RPH3A: variants seen among roughly 807,000 people sequenced by gnomAD.
RPH3A encodes the protein rabphilin-3A.
Under a neutral mutation model 102.2 loss-of-function variants are expected in RPH3A, and 48 were observed. The ratio of observed to expected loss-of-function variants is 0.47; its 90% CI spans 0.37 to 0.60. The LOEUF (loss-of-function observed/expected upper bound fraction) is 0.60. RPH3A is among the 20% of genes least tolerant of loss of function. The pLI, the probability that RPH3A is intolerant of heterozygous loss-of-function variation, is 0.00. For synonymous variants in RPH3A, 310 were observed against 324.3 expected (o/e 0.96, Z 0.47); for missense variants, 781 against 910.1 (o/e 0.86, Z 1.83).
intron 1 of RPH3A, among the ~76,000 whole-genome samples, chr12:112,768,052 C>G (rs909260137): frequency 6.6e-6 from 1 of 152,068 alleles, no homozygotes; most frequent in African/African-American, 2.4e-5. Flanking sequence ...GTTGTACAAT[C>G]TTGTAAATAT....
At chr12:112,823,331 G>A (rs1426739581) in intron 2 of RPH3A, among the ~76,000 whole-genome samples, 3 of 152,236 alleles carry the variant, frequency 2.0e-5, no homozygotes, top group African/African-American at 7.2e-5. Flanking sequence ...GTATGATTTT[G>A]AGCAAGTAGC....
intron 1 of RPH3A, among the ~76,000 whole-genome samples, chr12:112,639,299 A>G (rs1325660128): frequency 3.3e-5 from 5 of 152,210 alleles, no homozygotes; most frequent in Non-Finnish European, 5.9e-5. Flanking sequence ...AAGCCCCACA[A>G]AGGAATCCTA....
intron 1 of RPH3A, among the ~76,000 whole-genome samples, chr12:112,650,550 C>A (rs976771988): frequency 6.6e-6 from 1 of 152,084 alleles, no homozygotes; most frequent in Non-Finnish European, 1.5e-5. Context: ...TTCTCATCCC[C>A]TTTTATATAT....
At chr12:112,798,019 C>T (rs2041267999) in intron 2 of RPH3A, among the ~76,000 whole-genome samples, 2 of 152,322 alleles carry the variant, frequency 1.3e-5, no homozygotes, top group South Asian at 4.1e-4. Context: ...CAACTCTGCT[C>T]CCCATTTGGG....
At chr12:112,617,645 G>A (rs958722174) in intron 1 of RPH3A, 1 of 152,216 alleles carries the variant, frequency 6.6e-6, no homozygotes, top group Non-Finnish European at 1.5e-5. Context: ...ATGCAGAGGA[G>A]GAGTTTTTAT....
intron 4 of RPH3A, among the ~76,000 whole-genome samples, chr12:112,847,097 C>T (rs960848746): frequency 6.6e-6 from 1 of 152,102 alleles, no homozygotes; most frequent in African/African-American, 2.4e-5. Context: ...GAGGCGGGCA[C>T]ACAGTGGGCA....
At chr12:112,608,379 G>C (rs1592904614) in intron 1 of RPH3A, among the ~76,000 whole-genome samples, 1 of 152,260 alleles carries the variant, frequency 6.6e-6, no homozygotes, top group South Asian at 2.1e-4. Flanking sequence ...GTCTCCCAAA[G>C]TGCTGGGATT....
Position 112,825,795 on chromosome 12 carries a change from A to G in RPH3A, c.-18-2506A>G, listed in dbSNP as rs149107035. The stretch of plus-strand genomic sequence containing the variant: ...TCTAAGCAAAGACACAAACATAAAA[A>G]TAAACAACTTATATTAAATTGGGGT... On this transcript the variant is annotated intron_variant, in intron 2 of 21. Coordinates refer to ENST00000389385, the MANE Select transcript of RPH3A (RefSeq NM_001143854.2). Among the ~76,000 whole-genome samples the G allele has an allele frequency of 7.2e-4, 109 of 152,348 alleles. 1 individual carries two copies. Among genetic ancestry groups the G allele is most frequent in the African/African-American group, 2.4e-3 (101 of 41,582 alleles).
At chr12:112,678,303 A>AGAGAGAGAG (rs1555283198) in intron 1 of RPH3A, among the ~76,000 whole-genome samples, 8 of 50,184 alleles carry the variant, frequency 1.6e-4, no homozygotes, top group South Asian at 1.2e-3. Context: ...GAAAGAAAGA[A>AGAGAGAGAG]AGAGAGAGAG....
At chr12:112,666,400 T>A (rs2040083823) in intron 1 of RPH3A, among the ~76,000 whole-genome samples, 1 of 151,978 alleles carries the variant, frequency 6.6e-6, no homozygotes, top group African/African-American at 2.4e-5. Context: ...TGCCATCAAT[T>A]CTCCTTGCTT....
At chr12:112,868,918 G>A in intron 8 of RPH3A, 1 of 239,384 alleles carries the variant, frequency 4.2e-6, no homozygotes, top group Non-Finnish European at 8.0e-6. Flanking sequence ...CTGGAGCCTG[G>A]GAGAATACTC....
chr12:112,581,521 C>T (rs1304243205), intron 1 of RPH3A, among the ~76,000 whole-genome samples: 4 of 152,146 alleles, frequency 2.6e-5, no homozygotes, highest in African/African-American at 9.7e-5. Flanking sequence ...TGGAAATGAG[C>T]AGGTCCACAA....
At chr12:112,718,708 G>A (rs1401620719) in intron 1 of RPH3A, among the ~76,000 whole-genome samples, 1 of 152,156 alleles carries the variant, frequency 6.6e-6, no homozygotes, top group Non-Finnish European at 1.5e-5. Context: ...ATGCAGGGGT[G>A]GCAAAGAAAG....
At position 112,656,710 on chromosome 12, in the gene RPH3A, A is replaced by G. The variant is rs114910719; in HGVS notation, c.-140+81391A>G. On this transcript the variant is annotated intron_variant, in intron 1 of 21. Coordinates refer to the RPH3A transcript ENST00000543106. Reference sequence around the variant, plus strand: ...TTTCTGAGTTATTTCCCATAGGATAATGGCTTCCAGTTCCACCCATGTTGC... The same window carrying G: ...TTTCTGAGTTATTTCCCATAGGATAGTGGCTTCCAGTTCCACCCATGTTGC... Among the ~76,000 whole-genome samples, 863 of 152,208 alleles carry G rather than the reference A, an allele frequency of 5.7e-3. 14 individuals carry two copies. Among genetic ancestry groups the G allele is most frequent in the African/African-American group, 0.02 (841 of 41,530 alleles).
At chr12:112,894,225 G>A (rs1318842586) in intron 19 of RPH3A, 5 of 282,838 alleles carry the variant, frequency 1.8e-5, no homozygotes, top group South Asian at 7.3e-5. Context: ...TTTGACTTAT[G>A]GGGAGAAAGT....
chr12:112,794,840 G>A (rs1211991041), intron 2 of RPH3A, among the ~76,000 whole-genome samples: 8 of 152,200 alleles, frequency 5.3e-5, no homozygotes, highest in Non-Finnish European at 4.4e-5. Context: ...GGCTCCAGCA[G>A]CCCCTACTCC....
chr12:112,665,212 G>A (rs1230791121), intron 1 of RPH3A, among the ~76,000 whole-genome samples: 1 of 152,102 alleles, frequency 6.6e-6, no homozygotes, highest in Non-Finnish European at 1.5e-5. Flanking sequence ...TTGCTTTTGA[G>A]GGAGTCCAGA....
chr12:112,778,818 T>A (rs1421045775), intron 1 of RPH3A, among the ~76,000 whole-genome samples: 1 of 152,182 alleles, frequency 6.6e-6, no homozygotes, highest in Non-Finnish European at 1.5e-5. Flanking sequence ...CAGATAGGAA[T>A]CTCATTGGCT....
In RPH3A at chr12:112,863,573, C is replaced by A. The variant is rs117935734; in HGVS notation, c.231-1841C>A. Among the ~76,000 whole-genome samples, 538 of 152,350 alleles carry A rather than the reference C, an allele frequency of 3.5e-3. 3 individuals carry two copies. The highest frequency in any genetic ancestry group is 5.6e-3 in the Non-Finnish European group (378 of 68,030). On this transcript the variant is annotated intron_variant, in intron 5 of 21. Transcript: ENST00000389385. ...GGCCTCAGGTAATCCAACAACTTGG[C>A]CTCCCAAAGTGTTGGGATTACAGGC...
Sources: allele counts gnomAD v4.1 joint callset (sites outside exome capture counted in the v4.1 genomes callset), GRCh38; gene constraint gnomAD v4.1.1; transcripts MANE v1.5; gene names NCBI Gene and HGNC (gene_info 2026-07-23, HGNC 2026-07-21).